The following CERKL variants were observed in gnomAD, a reference collection of about 807,000 sequenced individuals.
The protein encoded by CERKL is CERK like autophagy regulator, also known as ceramide kinase-like protein.
CERKL carries 61 observed loss-of-function variants against 63.4 expected under a neutral mutation model. The observed-to-expected ratio is 0.96, with a 90% confidence interval of 0.78 to 1.19. CERKL has a LOEUF of 1.19. Ranked by LOEUF, CERKL falls within the 50% of genes most tolerant of loss-of-function variation. CERKL has a pLI of 0.00. For missense variants in CERKL, 675 were observed against 655.5 expected (o/e 1.03, Z -0.33); for synonymous variants, 250 against 230.5 (o/e 1.08, Z -0.77).
chr2:181,573,896 T>C lies in CERKL; in HGVS notation c.482-12A>G. On this transcript the variant is annotated splice_polypyrimidine_tract_variant and intron_variant, in intron 2 of 12. Coordinates refer to ENST00000410087, the MANE Select transcript of CERKL (RefSeq NM_201548.5). ...TCTGTTTGGAAAGCCTAAGAAGAAA[T>C]TTTAAAGACAAAGTTGTAAAGTCCT... 1 of 1,611,560 alleles carries C rather than the reference T, an allele frequency of 6.2e-7. No homozygotes were observed. The highest frequency in any genetic ancestry group is 8.5e-7 in the Non-Finnish European group (1 of 1,178,682).
chr2:181,575,330 G>A (rs776186752), intron 2 of CERKL, among the ~76,000 whole-genome samples: 2 of 152,114 alleles, frequency 1.3e-5, no homozygotes, highest in Non-Finnish European at 2.9e-5. Context: ...CACTCTCCTC[G>A]CCTTCCTCTG....
At chr2:181,640,699 C>G (rs970098874) in intron 1 of CERKL, among the ~76,000 whole-genome samples, 1 of 152,220 alleles carries the variant, frequency 6.6e-6, no homozygotes, top group Non-Finnish European at 1.5e-5. Flanking sequence ...TTGCTCTGTT[C>G]TCTATATCCA....
chr2:181,625,649 GA>G, intron 1 of CERKL, among the ~76,000 whole-genome samples: 1 of 152,280 alleles, frequency 6.6e-6, no homozygotes, highest in East Asian at 1.9e-4. Context: ...ACTGGTGTAG[GA>G]AGAGAAAGCC....
intron 1 of CERKL, among the ~76,000 whole-genome samples, chr2:181,614,645 T>C (rs1415787442): frequency 3.3e-5 from 5 of 152,204 alleles, no homozygotes; most frequent in African/African-American, 4.8e-5. Context: ...GCCACTTCTG[T>C]TATAGTACAA....
intron 2 of CERKL, among the ~76,000 whole-genome samples, chr2:181,593,029 G>A (rs993086982): frequency 6.6e-6 from 1 of 152,096 alleles, no homozygotes; most frequent in East Asian, 1.9e-4. Flanking sequence ...TACAATAATA[G>A]TAAGAGTTAC....
At position 181,578,482 on chromosome 2, in the gene CERKL, T is replaced by C. The variant is rs113250523; in HGVS notation, c.482-4598A>G. On this transcript the variant is annotated intron_variant, in intron 2 of 12. Coordinates refer to ENST00000410087, the MANE Select transcript of CERKL (RefSeq NM_201548.5). ...ACCCAGCTAATTTTTATATTTTTTC[T>C]AGAGATGGGGTTTTGCCATGTTGGC... Among the ~76,000 whole-genome samples, 31 of 152,090 alleles carry C rather than the reference T, an allele frequency of 2.0e-4. 3 individuals are homozygous for C. Among genetic ancestry groups the C allele is most frequent in the African/African-American group, 7.5e-4 (31 of 41,428 alleles).
chr2:181,618,406 A>T (rs567341804), intron 1 of CERKL, among the ~76,000 whole-genome samples: 2 of 151,374 alleles, frequency 1.3e-5, no homozygotes, highest in East Asian at 3.9e-4. Flanking sequence ...ACTTACTGTT[A>T]TTTTTATTTT....
chr2:181,537,893 A>ACTGAGTTCCTCCCCCTGTCAGAT lies in CERKL; in HGVS notation c.*268_*290dup. The ACTGAGTTCCTCCCCCTGTCAGAT allele has an allele frequency of 1.8e-6, 1 of 554,954 alleles. No individual in the cohort carries two copies. The highest frequency in any genetic ancestry group is 3.4e-6 in the Non-Finnish European group (1 of 291,770). 34.4% of individuals were successfully genotyped at this position (554,954 alleles called of 1,614,324 possible). On this transcript the variant is annotated 3_prime_UTR_variant, in exon 13 of 13. Transcript: ENST00000410087. The stretch of plus-strand genomic sequence containing the variant: ...CAGGAGGTTAGAGCAATGGAGCATT[A>ACTGAGTTCCTCCCCCTGTCAGAT]CTGAGTTCCTCCCCCTGTCAGATCA...
chr2:181,580,314 C>T (rs1431074061), intron 2 of CERKL, among the ~76,000 whole-genome samples: 1 of 150,428 alleles, frequency 6.6e-6, no homozygotes, highest in African/African-American at 2.5e-5. Flanking sequence ...TGTTTTTCCC[C>T]TAACTGATCT....
intron 2 of CERKL, among the ~76,000 whole-genome samples, chr2:181,586,341 A>G (rs150303894): frequency 1.3e-5 from 2 of 152,192 alleles, no homozygotes; most frequent in African/African-American, 4.8e-5. Context: ...ATGCTCCAAC[A>G]CAAGGCATCA....
intron 2 of CERKL, among the ~76,000 whole-genome samples, chr2:181,576,855 G>A (rs1684250935): frequency 6.6e-6 from 1 of 152,232 alleles, no homozygotes; most frequent in Admixed American, 6.5e-5. Context: ...ATATTCAAAT[G>A]TCTGGCTGGT....
At position 181,538,180 on chromosome 2, in the gene CERKL, C is replaced by CAT; in HGVS notation, c.*2_*3dup. ...TGTACATTTCTTTTAGAAACAATTA[C>CAT]ATGTTACTTTGGAATCATTTCTTCC... On this transcript the variant is annotated 3_prime_UTR_variant, in exon 13 of 13. Coordinates refer to ENST00000410087, the MANE Select transcript of CERKL (RefSeq NM_201548.5). The CAT allele has an allele frequency of 6.5e-7, 1 of 1,546,566 alleles. No homozygotes were observed. Among genetic ancestry groups the CAT allele is most frequent in the Middle Eastern group, 2.1e-4 (1 of 4,796 alleles).
At chr2:181,634,941 C>A (rs180985449) in intron 1 of CERKL, among the ~76,000 whole-genome samples, 9 of 152,236 alleles carry the variant, frequency 5.9e-5, no homozygotes, top group Non-Finnish European at 1.3e-4. Flanking sequence ...CAAAAAAGGA[C>A]AATGTACACA....
At chr2:181,561,543 C>T (rs1048621087) in intron 4 of CERKL, among the ~76,000 whole-genome samples, 5 of 152,010 alleles carry the variant, frequency 3.3e-5, no homozygotes, top group African/African-American at 1.2e-4. Context: ...AGTATTTTAT[C>T]CCAAAATGTA....
Position 181,536,815 on chromosome 2 carries a change from A to ATAAAAT in CERKL, c.*1368_*1369insATTTTA. ...TTATGCTTATGATCTAGATAATTGC[A>ATAAAAT]GAATATCATTTTATCTGACTCTGCC... On this transcript the variant is annotated 3_prime_UTR_variant, in exon 13 of 13. Coordinates refer to ENST00000410087, the MANE Select transcript of CERKL (RefSeq NM_201548.5). The ATAAAAT allele has an allele frequency of 3.1e-6, 1 of 320,420 alleles. No individual in the cohort carries two copies. Among genetic ancestry groups the ATAAAAT allele is most frequent in the East Asian group, 8.4e-5 (1 of 11,928 alleles). The allele number at this position is 320,420 out of a possible 1,614,324, so 19.8% of individuals were successfully genotyped here.
chr2:181,575,152 G>C (rs1689074693), intron 2 of CERKL, among the ~76,000 whole-genome samples: 1 of 152,128 alleles, frequency 6.6e-6, no homozygotes, highest in Non-Finnish European at 1.5e-5. Context: ...CTGACTTGGG[G>C]ACCATGCCCA....
At chr2:181,571,908 G>T (rs966025669) in intron 3 of CERKL, among the ~76,000 whole-genome samples, 1 of 152,120 alleles carries the variant, frequency 6.6e-6, no homozygotes, top group African/African-American at 2.4e-5. Context: ...AGCATGTTGG[G>T]TCTCTCTTGC....
Position 181,548,581 on chromosome 2 carries a change from A to T in CERKL, c.1097T>A (p.Phe366Tyr). 1 of 1,613,100 alleles carries T rather than the reference A, an allele frequency of 6.2e-7. No homozygotes were observed. The highest frequency in any genetic ancestry group is 8.5e-7 in the Non-Finnish European group (1 of 1,179,310). ...KLKAEDCEIS[F>Y]LPFNSSDDVQ... ...ATCATCAGAGCTGTTAAATGGTAAA[A>T]ATGATATTTCACAGTCTTCTGCCCT... Residue 366 changes from phenylalanine (F) to tyrosine (Y), a missense_variant, in exon 8 of 13, where the codon TTT becomes TAT. By Grantham distance (22) the Phe-to-Tyr change is conservative. Transcript: ENST00000410087.
intron 1 of CERKL, among the ~76,000 whole-genome samples, chr2:181,626,588 A>G (rs1217781356): frequency 1.3e-5 from 2 of 152,210 alleles, no homozygotes; most frequent in Middle Eastern, 6.3e-3. Context: ...CCGACCAAGA[A>G]GCCAAACCTC....
Sources: allele counts gnomAD v4.1 joint callset (sites outside exome capture counted in the v4.1 genomes callset), GRCh38; gene constraint gnomAD v4.1.1; transcripts MANE v1.5; gene names NCBI Gene and HGNC (gene_info 2026-07-23, HGNC 2026-07-21).